The following VPS52 variants were observed in gnomAD, a reference collection of about 807,000 sequenced individuals.
VPS52 encodes vacuolar protein sorting-associated protein 52 homolog.
In VPS52, 56 loss-of-function variants were observed where a neutral mutation model predicts 98.7. The ratio of observed to expected loss-of-function variants is 0.57; its 90% CI spans 0.46 to 0.71. The LOEUF is 0.71. VPS52 is among the 30% of genes least tolerant of loss of function. The pLI is 0.00. For synonymous variants in VPS52, 348 were observed against 346.4 expected (o/e 1.00, Z -0.05); for missense variants, 742 against 925.9 (o/e 0.80, Z 2.58).
intron 17 of VPS52, among the ~76,000 whole-genome samples, chr6:33,261,082 A>G (rs1763578922): frequency 6.6e-6 from 1 of 151,924 alleles, no homozygotes; most frequent in Non-Finnish European, 1.5e-5. Context: ...TTTTGTAAAG[A>G]CAACTGTCTT....
upstream of VPS52, chr6:33,271,932 G>A: frequency 1.9e-6 from 2 of 1,061,426 alleles, no homozygotes; most frequent in Non-Finnish European, 2.7e-6. Context: ...TGTAAAGAAA[G>A]GCGCACCGGA....
chr6:33,265,992 G>A (rs997127637), intron 12 of VPS52, among the ~76,000 whole-genome samples: 4 of 151,248 alleles, frequency 2.6e-5, no homozygotes, highest in Non-Finnish European at 4.4e-5. Context: ...TCAGCCTCCC[G>A]AGTAGCTGGG....
At chr6:33,255,655 G>A (rs1005850319) in intron 17 of VPS52, among the ~76,000 whole-genome samples, 1 of 151,660 alleles carries the variant, frequency 6.6e-6, no homozygotes, top group Non-Finnish European at 1.5e-5. Context: ...TACCGGGCAT[G>A]GTGCTGGGCA....
intron 1 of VPS52, chr6:33,271,185 A>T (rs463749): frequency 0.14 from 79,766 of 567,970 alleles, 6,305 homozygotes; most frequent in South Asian, 0.21. Flanking sequence ...CCTAACGACG[A>T]TGTATACAAT....
At chr6:33,259,674 A>G (rs1395680731) in intron 17 of VPS52, among the ~76,000 whole-genome samples, 1 of 152,160 alleles carries the variant, frequency 6.6e-6, no homozygotes, top group Non-Finnish European at 1.5e-5. Context: ...TACAGATGCT[A>G]ACCAGTAAAA....
intron 1 of VPS52, chr6:33,271,050 C>A: frequency 4.5e-6 from 1 of 224,538 alleles, no homozygotes. Flanking sequence ...AAATTTAAGA[C>A]CCTCAGACTC....
rs372058153 is a variant in VPS52, at chr6:33,271,643, G to C, written c.33C>G (p.Ala11=). The C allele has an allele frequency of 1.2e-6, 2 of 1,610,644 alleles. No homozygotes were observed. Among genetic ancestry groups the C allele is most frequent in the Admixed American group, 1.7e-5 (1 of 59,906 alleles). Reference sequence around the variant, plus strand: ...TCCCAGCCCGCAACACCAGTTCCCGGGCCGCAGCCGCCATGGTCGCAGCGG... The same window carrying C: ...TCCCAGCCCGCAACACCAGTTCCCGCGCCGCAGCCGCCATGGTCGCAGCGG... MAAAATMAAA[A]RELVLRAGTS... The change falls in exon 1 of 20, where the codon GCC becomes GCG. Residue 11 remains alanine, a synonymous_variant. Coordinates refer to ENST00000445902, the MANE Select transcript of VPS52 (RefSeq NM_022553.6).
chr6:33,270,323 A>C (rs1185688053), intron 1 of VPS52, 40 bp from the exon 2 acceptor site: 1 of 1,556,522 alleles, frequency 6.4e-7, no homozygotes, highest in Admixed American at 1.8e-5. Context: ...GTACGGTGAA[A>C]GACAGAAAGA....
At chr6:33,258,271 C>A (rs894422837) in intron 17 of VPS52, among the ~76,000 whole-genome samples, 1 of 151,506 alleles carries the variant, frequency 6.6e-6, no homozygotes, top group Non-Finnish European at 1.5e-5. Context: ...CCTGTAATCC[C>A]AGCTACTCAG....
intron 3 of VPS52, 72 bp from the exon 4 acceptor site, chr6:33,269,891 G>A (rs1764799225): frequency 6.3e-7 from 1 of 1,593,068 alleles, no homozygotes; most frequent in South Asian, 1.1e-5. Flanking sequence ...ATCAGTGAAG[G>A]ACTAAAGGGT....
At position 33,267,465 on chromosome 6, in the gene VPS52, T is replaced by A; in HGVS notation, c.992-144A>T. The A allele has an allele frequency of 7.4e-7, 1 of 1,351,638 alleles. No homozygotes were observed. The highest frequency in any genetic ancestry group is 1.0e-6 in the Non-Finnish European group (1 of 993,686). 83.7% of individuals were successfully genotyped at this position (1,351,638 alleles called of 1,614,324 possible). On this transcript the variant is annotated intron_variant, in intron 10 of 19. Coordinates refer to ENST00000445902, the MANE Select transcript of VPS52 (RefSeq NM_022553.6). The surrounding 1 kb of genome is among the most constrained non-coding windows in gnomAD (Gnocchi z 4.2). ...GGCCCCACGTGCTGACATCTGTGAA[T>A]GGGCTTCAGGGTGTCTCTCCCTCCC...
intron 17 of VPS52, among the ~76,000 whole-genome samples, chr6:33,260,303 G>A (rs1763474454): frequency 6.6e-6 from 1 of 151,448 alleles, no homozygotes; most frequent in Non-Finnish European, 1.5e-5. Context: ...TGGTCCTCTC[G>A]CCTTTGTCTC....
intron 15 of VPS52, 63 bp from the exon 16 acceptor site, chr6:33,263,942 C>G (rs917763099): frequency 6.2e-7 from 1 of 1,613,434 alleles, no homozygotes; most frequent in African/African-American, 1.3e-5. Context: ...CCATCTGGCT[C>G]CTCCTCAGAC....
chr6:33,264,610 G>A, intron 13 of VPS52, 113 bp from the exon 14 acceptor site: 1 of 1,519,180 alleles, frequency 6.6e-7, no homozygotes, highest in Non-Finnish European at 9.0e-7. Context: ...GGGGTTGGGG[G>A]GCAGTGGTTG....
At chr6:33,269,429 C>T (rs750941712) in intron 5 of VPS52, 61 bp downstream of exon 5, 1 of 1,598,548 alleles carries the variant, frequency 6.3e-7, no homozygotes, top group Admixed American at 1.7e-5. Flanking sequence ...CTAAAAATGG[C>T]ACCAGAGTCC....
intron 17 of VPS52, chr6:33,254,744 C>T (rs1484856561): frequency 2.0e-5 from 3 of 152,012 alleles, no homozygotes; most frequent in East Asian, 3.8e-4. Context: ...ACAATCACAG[C>T]TCACTACAAC....
chr6:33,264,976 ATTTG>A (rs1445532995), intron 12 of VPS52, 76 bp from the exon 13 acceptor site: 2 of 1,308,364 alleles, frequency 1.5e-6, no homozygotes, highest in East Asian at 2.3e-5. Flanking sequence ...GAACAAACGC[ATTTG>A]TTTCTTTGGG....
chr6:33,270,542 C>A (rs1050822185), intron 1 of VPS52, among the ~76,000 whole-genome samples: 7 of 152,112 alleles, frequency 4.6e-5, no homozygotes, highest in African/African-American at 1.7e-4. Flanking sequence ...CTTGTAGTCC[C>A]AACTACTTAG....
chr6:33,270,338 A>G (rs1764859801), intron 1 of VPS52, 55 bp from the exon 2 acceptor site: 1 of 1,485,900 alleles, frequency 6.7e-7, no homozygotes, highest in Admixed American at 1.8e-5. Flanking sequence ...GAAAGAAAAA[A>G]TATAATTGGA....
Sources: allele counts gnomAD v4.1 joint callset (sites outside exome capture counted in the v4.1 genomes callset), GRCh38; gene constraint gnomAD v4.1.1; non-coding constraint Gnocchi (gnomAD v3.1); transcripts MANE v1.5; gene names NCBI Gene and HGNC (gene_info 2026-07-23, HGNC 2026-07-21).